The following TET3 variants were observed in gnomAD, a reference collection of about 807,000 sequenced individuals.
TET3 encodes tet methylcytosine dioxygenase 3, also known as methylcytosine dioxygenase TET3.
TET3 carries 19 observed loss-of-function variants against 141.4 expected under a neutral mutation model. The ratio of observed to expected loss-of-function variants is 0.13; its 90% CI spans 0.09 to 0.20. The LOEUF (loss-of-function observed/expected upper bound fraction) is 0.20, where lower values mean the gene tolerates loss of function less well. Ranked by LOEUF, TET3 falls within the 10% of genes least tolerant of loss-of-function variation. The pLI is 1.00. For synonymous variants in TET3, 1,043 were observed against 980.9 expected, an observed-to-expected ratio of 1.06 and a Z score of -1.18; for missense variants, 1,874 against 2,356.9, an observed-to-expected ratio of 0.80 and a Z score of 4.24.
the TET3 span, among the ~76,000 whole-genome samples, chr2:74,132,319 G>C: frequency 6.6e-6 from 1 of 152,212 alleles, no homozygotes; most frequent in African/African-American, 2.4e-5. Flanking sequence ...CTTACAACGC[G>C]TTAGGCCAGG....
chr2:74,121,949 G>A, the TET3 span: 2 of 152,508 alleles, frequency 1.3e-5, no homozygotes, highest in East Asian at 1.9e-4. Flanking sequence ...AGTAAGCTGA[G>A]ATCATGCCAC....
At chr2:74,053,246 C>CG (rs1688044577) in intron 4 of TET3, among the ~76,000 whole-genome samples, 3 of 152,224 alleles carry the variant, frequency 2.0e-5, no homozygotes, top group South Asian at 4.1e-4. Flanking sequence ...TGGAGAGTCC[C>CG]CCCCCAACCA....
intron 2 of TET3, among the ~76,000 whole-genome samples, chr2:73,990,930 C>T (rs1187684590): frequency 1.3e-5 from 2 of 152,058 alleles, no homozygotes; most frequent in Admixed American, 6.5e-5. Flanking sequence ...AAAGGGACCG[C>T]ATCTGAGCAT....
intron 4 of TET3, among the ~76,000 whole-genome samples, chr2:74,049,744 C>T (rs1387783506): frequency 6.6e-5 from 10 of 152,108 alleles, no homozygotes; most frequent in African/African-American, 2.2e-4. Flanking sequence ...GTTCTGCCTC[C>T]TCCAGCTACC....
Position 74,100,989 on chromosome 2 carries a change from G to A in TET3, c.4201G>A (p.Val1401Ile), listed in dbSNP as rs1193098518. 1.9e-6 allele frequency: 3 copies of A among 1,612,880 alleles called. No individual in the cohort carries two copies. Among genetic ancestry groups the A allele is most frequent in the Non-Finnish European group, 2.5e-6 (3 of 1,179,496 alleles). The stretch of plus-strand genomic sequence containing the variant: ...CAACAGATCCATCAAGCAAGAGCCA[G>A]TAGACCCGCTGACCCAGGCTGAGCC... ...CYNRSIKQEP[V>I]DPLTQAEPVP... Residue 1401 changes from valine (V) to isoleucine (I), a missense_variant, in exon 12 of 12, where the codon GTA becomes ATA. Around this residue, in one of 10 missense-constraint regions of TET3, gnomAD observed 602 missense variants for 590.2 expected, o/e 1.02. Transcript: ENST00000409262.
chr2:74,081,868 A>G (rs1352195233), intron 6 of TET3, among the ~76,000 whole-genome samples: 1 of 152,222 alleles, frequency 6.6e-6, no homozygotes, highest in Non-Finnish European at 1.5e-5. Context: ...GCAGAATTAT[A>G]TACAACCAGA....
In TET3 at chr2:73,987,373, G is replaced by A. The variant is rs948073522; in HGVS notation, c.303+667G>A. 2.0e-5 allele frequency among the ~76,000 whole-genome samples: 3 copies of A among 152,224 alleles called. No individual in the cohort carries two copies. The South Asian group carries it at 6.2e-4, about 32-fold the overall frequency. ...GCTTTTGAGACACTGTCAACCCCAGGGAGGTGTACTCCCTTTATTTGGGGT... is the reference window on the plus strand; with the variant it reads ...GCTTTTGAGACACTGTCAACCCCAGAGAGGTGTACTCCCTTTATTTGGGGT... On this transcript the variant is annotated intron_variant, in intron 2 of 11. Transcript: ENST00000409262.
At chr2:74,096,245 A>G (rs1046262278) in intron 10 of TET3, among the ~76,000 whole-genome samples, 1 of 152,216 alleles carries the variant, frequency 6.6e-6, no homozygotes, top group Non-Finnish European at 1.5e-5. Flanking sequence ...CCAACCCAGA[A>G]AGTACACAGG....
Position 74,107,525 on chromosome 2 carries a change from C to T in TET3, c.*5349C>T, listed in dbSNP as rs1446372337. Reference sequence around the variant, plus strand: ...TCCAAATTTTCTTGGTTTCAATACCCTTTTTTTTCTTTTGAGGGGAAAAGA... The same window carrying T: ...TCCAAATTTTCTTGGTTTCAATACCTTTTTTTTTCTTTTGAGGGGAAAAGA... On this transcript the variant is annotated 3_prime_UTR_variant, in exon 12 of 12. Coordinates refer to ENST00000409262, the MANE Select transcript of TET3 (RefSeq NM_001287491.2). 1 of 151,894 alleles carries T rather than the reference C, an allele frequency of 6.6e-6. No individual in the cohort carries two copies. Among genetic ancestry groups the T allele is most frequent in the Non-Finnish European group, 1.5e-5 (1 of 67,972 alleles). The allele number at this position is 151,894 out of a possible 1,614,324, so 9.4% of individuals were successfully genotyped here. A position where few individuals can be genotyped will look rare whatever the true frequency, so the allele number is the denominator to read the frequency against.
intron 3 of TET3, among the ~76,000 whole-genome samples, chr2:74,021,247 G>C (rs943334768): frequency 1.3e-5 from 2 of 152,206 alleles, no homozygotes; most frequent in South Asian, 2.1e-4. Flanking sequence ...TGGAGGAGCT[G>C]CTTTCTCAGG....
chr2:74,107,069 G>C lies in TET3; in HGVS notation c.*4893G>C, dbSNP rs1691537361. ...TTATTAGCCAGCTGCCTCTGCTGTAGTACATGGCCAACTTCAACATACCCT... is the reference window on the plus strand; with the variant it reads ...TTATTAGCCAGCTGCCTCTGCTGTACTACATGGCCAACTTCAACATACCCT... On this transcript the variant is annotated 3_prime_UTR_variant, in exon 12 of 12. Transcript: ENST00000409262. 1 of 152,246 alleles carries C rather than the reference G, an allele frequency of 6.6e-6. No individual in the cohort carries two copies. The highest frequency in any genetic ancestry group is 6.5e-5 in the Admixed American group (1 of 15,294). 9.4% of individuals were successfully genotyped at this position (152,246 alleles called of 1,614,324 possible).
Position 74,000,161 on chromosome 2 carries a change from C to G in TET3, c.304-2949C>G, listed in dbSNP as rs536440996. Among the ~76,000 whole-genome samples the G allele has an allele frequency of 2.0e-5, 3 of 152,266 alleles. No homozygotes were observed. The South Asian group carries it at 6.2e-4, about 31-fold the overall frequency. ...CAGTTCAGTTCTGGCAGGTCCTGCC[C>G]TCCCAGGACAGCGGGTGTCTCTCAG... On this transcript the variant is annotated intron_variant, in intron 2 of 11. Transcript: ENST00000409262.
chr2:74,097,415 AGAAG>A (rs1309676243), intron 10 of TET3, among the ~76,000 whole-genome samples: 3 of 152,262 alleles, frequency 2.0e-5, no homozygotes, highest in African/African-American at 7.2e-5. Context: ...AACTCGCAAA[AGAAG>A]GAAGACAGTG....
Position 74,099,273 on chromosome 2 carries a change from C to T in TET3, c.3268-3C>T. On this transcript the variant is annotated splice_polypyrimidine_tract_variant and splice_region_variant and intron_variant, in intron 10 of 11. Transcript: ENST00000409262. ...GTCCTCTCTCCCCCACTGCTTGGGG[C>T]AGGTCTGCACCCTGACCAAGGAAGA... The T allele has an allele frequency of 6.3e-7, 1 of 1,581,412 alleles. No individual in the cohort carries two copies. The highest frequency in any genetic ancestry group is 8.6e-7 in the Non-Finnish European group (1 of 1,162,388).
At chr2:74,120,345 C>G in the TET3 span, among the ~76,000 whole-genome samples, 1 of 152,260 alleles carries the variant, frequency 6.6e-6, no homozygotes, top group Non-Finnish European at 1.5e-5. Context: ...GGTCCCAGCC[C>G]GGCAGGAGCT....
chr2:74,082,801 C>T (rs759798613), intron 6 of TET3, among the ~76,000 whole-genome samples: 1 of 152,056 alleles, frequency 6.6e-6, no homozygotes, highest in Non-Finnish European at 1.5e-5. Flanking sequence ...TGCTCCTTCT[C>T]CCTGCCCTGC....
the TET3 span, among the ~76,000 whole-genome samples, chr2:74,122,773 T>C: frequency 1.3e-5 from 2 of 148,294 alleles, no homozygotes; most frequent in Non-Finnish European, 3.0e-5. Flanking sequence ...TTGGCCAGGA[T>C]GGTCTTGATC....
chr2:74,098,334 T>A (rs1254716422), intron 10 of TET3, among the ~76,000 whole-genome samples: 1 of 152,228 alleles, frequency 6.6e-6, no homozygotes, highest in Non-Finnish European at 1.5e-5. Context: ...TACACAGCTC[T>A]AATCATATTG....
chr2:74,089,998 G>A lies in TET3; in HGVS notation c.2990G>A (p.Arg997Gln), dbSNP rs1453922997. The A allele has an allele frequency of 1.2e-6, 2 of 1,614,034 alleles. No individual in the cohort carries two copies. The highest frequency in any genetic ancestry group is 1.7e-6 in the Non-Finnish European group (2 of 1,179,894). Reference protein sequence around the residue: ...SMYFNGCKYARSKTPRKFRLA... With the variant: ...SMYFNGCKYAQSKTPRKFRLA... ...TACTTCAACGGCTGCAAGTATGCTCGGAGCAAGACACCTCGCAAGTTCCGC... is the reference window on the plus strand; with the variant it reads ...TACTTCAACGGCTGCAAGTATGCTCAGAGCAAGACACCTCGCAAGTTCCGC... Residue 997 changes from arginine (R) to glutamine (Q), a missense_variant, in exon 8 of 12, where the codon CGG (arginine) becomes CAG (glutamine). Transcript: ENST00000409262.
Sources: allele counts gnomAD v4.1 joint callset (sites outside exome capture counted in the v4.1 genomes callset), GRCh38; gene constraint gnomAD v4.1.1; regional missense constraint gnomAD v4.1.1; transcripts MANE v1.5; gene names NCBI Gene and HGNC (gene_info 2026-07-23, HGNC 2026-07-21).